PCDHAC1: variants seen among roughly 807,000 people sequenced by gnomAD.
PCDHAC1 encodes the protein protocadherin alpha-C1.
Under a neutral mutation model 60.0 loss-of-function variants are expected in PCDHAC1, and 42 were observed. The ratio of observed to expected loss-of-function variants is 0.70; its 90% CI spans 0.55 to 0.90. The LOEUF (loss-of-function observed/expected upper bound fraction) is 0.90, where lower values mean the gene tolerates loss of function less well. PCDHAC1 is among the 40% of genes least tolerant of loss of function. The pLI is 0.00. For synonymous variants in PCDHAC1, 468 were observed against 499.3 expected (o/e 0.94, Z 0.84); for missense variants, 1,160 against 1,222.3 (o/e 0.95, Z 0.76).
At chr5:140,946,456 G>A (rs1554217589) in intron 1 of PCDHAC1, among the ~76,000 whole-genome samples, 1 of 151,574 alleles carries the variant, frequency 6.6e-6, no homozygotes, top group African/African-American at 2.4e-5. Flanking sequence ...CAACTATCCA[G>A]CAATCCCACT....
At chr5:140,969,294 T>C in intron 1 of PCDHAC1, 2 of 1,614,212 alleles carry the variant, frequency 1.2e-6, no homozygotes, top group Non-Finnish European at 1.7e-6. Context: ...GCTGGGAACC[T>C]GATTATTCTC....
At chr5:140,958,587 A>G (rs530889375) in intron 1 of PCDHAC1, among the ~76,000 whole-genome samples, 36 of 152,292 alleles carry the variant, frequency 2.4e-4, no homozygotes, top group African/African-American at 8.2e-4. Context: ...AAATGAGCTT[A>G]TGATAATTGG....
intron 1 of PCDHAC1, among the ~76,000 whole-genome samples, chr5:140,972,660 ATTTTTTT>A (rs11350929): frequency 8.5e-6 from 1 of 117,268 alleles, no homozygotes; most frequent in Admixed American, 9.2e-5. Flanking sequence ...AAGAAACCAA[ATTTTTTT>A]TTTTTTTTTT....
intron 1 of PCDHAC1, chr5:140,969,505 A>G (rs973647679): frequency 1.4e-6 from 2 of 1,428,552 alleles, no homozygotes; most frequent in South Asian, 3.0e-5. Context: ...CTAGAAAAAT[A>G]GCACTAAAGA....
At chr5:140,966,763 G>C (rs1020607410) in intron 1 of PCDHAC1, 1 of 1,470,370 alleles carries the variant, frequency 6.8e-7, no homozygotes, top group Non-Finnish European at 9.0e-7. Flanking sequence ...CGCGGCCAGT[G>C]GCTATGGAGC....
In PCDHAC1 at chr5:140,928,155, C is replaced by T; in HGVS notation, c.1263C>T (p.Gly421=). ...TCCTGATCACGGCCTCAGATAGTGG[C>T]TCACCCCCACTTAGCACCCGAAGGA... is the stretch of plus-strand genomic sequence containing the variant. ...YQVLITASDS[G]SPPLSTRRTI... Residue 421 remains glycine (G), a synonymous_variant, in exon 1 of 4, where the codon GGC becomes GGT. Transcript: ENST00000253807. The T allele has an allele frequency of 1.2e-6, 2 of 1,614,178 alleles. No homozygotes were observed. The highest frequency in any genetic ancestry group is 1.7e-6 in the Non-Finnish European group (2 of 1,180,034).
chr5:140,938,991 T>C (rs2092291799), intron 1 of PCDHAC1, among the ~76,000 whole-genome samples: 2 of 152,230 alleles, frequency 1.3e-5, no homozygotes, highest in South Asian at 2.1e-4. Context: ...TGGCTTTATA[T>C]AGTAAGTTAA....
At chr5:140,996,129 G>A (rs190965499) in intron 3 of PCDHAC1, among the ~76,000 whole-genome samples, 1 of 152,210 alleles carries the variant, frequency 6.6e-6, no homozygotes, top group Non-Finnish European at 1.5e-5. Flanking sequence ...TGGTGTAGAG[G>A]GTTCTCCCAT....
intron 3 of PCDHAC1, among the ~76,000 whole-genome samples, chr5:140,991,246 AT>A (rs1239917412): frequency 6.6e-6 from 1 of 152,206 alleles, no homozygotes; most frequent in African/African-American, 2.4e-5. Context: ...TAAAGGCAGT[AT>A]TTGAACTCAT....
chr5:140,930,912 T>C (rs1205979304), intron 1 of PCDHAC1, among the ~76,000 whole-genome samples: 3 of 152,196 alleles, frequency 2.0e-5, no homozygotes, highest in Non-Finnish European at 4.4e-5. Flanking sequence ...TTTTCTACTT[T>C]AGATGTGTAT....
chr5:141,001,492 T>A (rs1190860523), intron 3 of PCDHAC1, among the ~76,000 whole-genome samples: 1 of 152,236 alleles, frequency 6.6e-6, no homozygotes, highest in African/African-American at 2.4e-5. Context: ...CTGGAAATGC[T>A]AGCCCAGGTG....
intron 2 of PCDHAC1, among the ~76,000 whole-genome samples, chr5:140,979,453 A>G (rs2096852067): frequency 6.6e-6 from 1 of 151,906 alleles, no homozygotes; most frequent in Admixed American, 6.6e-5. Flanking sequence ...TATTACCCTC[A>G]ATAATTGATT....
chr5:140,927,508 C>T lies in PCDHAC1; in HGVS notation c.616C>T (p.Arg206Trp), dbSNP rs551245842. Residue 206 changes from arginine (R) to tryptophan (W), a missense_variant, in exon 1 of 4, where the codon CGG becomes TGG. Arg to Trp is a moderately radical substitution (Grantham distance 101). Coordinates refer to ENST00000253807, the MANE Select transcript of PCDHAC1 (RefSeq NM_018898.5). The stretch of plus-strand genomic sequence containing the variant: ...CACCCACCTGCTGGTGCTTACAGCT[C>T]GGGACGGCGGGCTACCTGCCCGCTC... ...RATHLLVLTA[R>W]DGGLPARSGD... is the part of the protein sequence containing the mutation. The T allele has an allele frequency of 9.9e-6, 16 of 1,614,074 alleles. No individual in the cohort carries two copies. In the South Asian group the frequency reaches 1.4e-4, roughly 14 times the overall value.
intron 1 of PCDHAC1, among the ~76,000 whole-genome samples, chr5:140,940,415 A>G (rs1187271340): frequency 2.0e-5 from 3 of 152,118 alleles, no homozygotes; most frequent in African/African-American, 7.2e-5. Flanking sequence ...TAAAAATTAT[A>G]ATTATTACTG....
At chr5:141,000,223 G>A (rs1190945878) in intron 3 of PCDHAC1, among the ~76,000 whole-genome samples, 2 of 151,642 alleles carry the variant, frequency 1.3e-5, no homozygotes, top group African/African-American at 4.8e-5. Flanking sequence ...AAATGCCTGT[G>A]TGGAGCTGAA....
At chr5:140,936,577 A>G (rs776415020) in intron 1 of PCDHAC1, among the ~76,000 whole-genome samples, 1 of 152,186 alleles carries the variant, frequency 6.6e-6, no homozygotes, top group Non-Finnish European at 1.5e-5. Flanking sequence ...TCCACTTGTA[A>G]ATCCAGTTAG....
intron 1 of PCDHAC1, chr5:140,968,375 T>G: frequency 6.2e-7 from 1 of 1,614,098 alleles, no homozygotes; most frequent in Non-Finnish European, 8.5e-7. Context: ...TGTCAACTCC[T>G]TTGACTATGA....
chr5:140,944,364 T>G (rs1264806074), intron 1 of PCDHAC1, among the ~76,000 whole-genome samples: 1 of 152,072 alleles, frequency 6.6e-6, no homozygotes, highest in Non-Finnish European at 1.5e-5. Flanking sequence ...ATTTTTAATT[T>G]TTTATAGAGA....
chr5:140,967,084 TC>T, intron 1 of PCDHAC1: 2 of 1,613,270 alleles, frequency 1.2e-6, no homozygotes, highest in African/African-American at 2.7e-5. Flanking sequence ...AGCGCATTGA[TC>T]GGGAGGCGCT....
Sources: allele counts gnomAD v4.1 joint callset (sites outside exome capture counted in the v4.1 genomes callset), GRCh38; gene constraint gnomAD v4.1.1; transcripts MANE v1.5; gene names NCBI Gene and HGNC (gene_info 2026-07-23, HGNC 2026-07-21).